Variants in GABRA5 observed in about 807,000 individuals in gnomAD.
GABRA5 encodes gamma-aminobutyric acid receptor subunit alpha-5.
Under a neutral mutation model 47.3 loss-of-function variants are expected in GABRA5, and 18 were observed. The ratio of observed to expected loss-of-function variants is 0.38; its 90% CI spans 0.26 to 0.56. The LOEUF is 0.56. Ranked by LOEUF, GABRA5 falls within the 20% of genes least tolerant of loss-of-function variation. The pLI is 0.71. For missense variants in GABRA5, 365 were observed against 599.3 expected (o/e 0.61, Z 4.08); for synonymous variants, 237 against 229.3 (o/e 1.03, Z -0.30).
chr15:26,888,284 C>T (rs144377221), intron 6 of GABRA5, among the ~76,000 whole-genome samples: 5 of 152,320 alleles, frequency 3.3e-5, no homozygotes, highest in African/African-American at 4.8e-5. Context: ...TCTCCTGTTG[C>T]GTCCTCAAGA....
At chr15:26,881,060 C>A in intron 4 of GABRA5, 93 bp downstream of exon 4, 1 of 1,379,862 alleles carries the variant, frequency 7.2e-7, no homozygotes. Context: ...CAAACAATTC[C>A]TAAAAGAGCT....
rs751506953 is a variant in GABRA5 at position 26,939,943 on chromosome 15, C to T, written c.743C>T (p.Thr248Ile). Residue 248 changes from threonine to isoleucine, a missense_variant, in exon 9 of 11, where the codon ACA (threonine) becomes ATA (isoleucine). Thr to Ile is a moderately conservative substitution (Grantham distance 89). This residue lies in a region of GABRA5 where 216 missense variants were observed against 335.3 expected (regional missense o/e 0.64). Coordinates refer to ENST00000335625, the MANE Select transcript of GABRA5 (RefSeq NM_000810.4). Reference sequence around the variant, plus strand: ...TTTGCAGGCGAATACACAATCATGACAGCTCACTTCCACCTGAAAAGGAAG... The same window carrying T: ...TTTGCAGGCGAATACACAATCATGATAGCTCACTTCCACCTGAAAAGGAAG... The part of the protein sequence containing the change: ...STSTGEYTIM[T>I]AHFHLKRKIG... The T allele has an allele frequency of 5.0e-6, 8 of 1,613,982 alleles. No homozygotes were observed. Among genetic ancestry groups the T allele is most frequent in the Non-Finnish European group, 6.8e-6 (8 of 1,179,896 alleles).
At chr15:26,873,725 T>C (rs1892525310) in intron 3 of GABRA5, among the ~76,000 whole-genome samples, 1 of 152,212 alleles carries the variant, frequency 6.6e-6, no homozygotes, top group South Asian at 2.1e-4. Context: ...AAATTCTTCC[T>C]GCACCATAGC....
intron 7 of GABRA5, among the ~76,000 whole-genome samples, chr15:26,932,183 A>G (rs1894124486): frequency 6.6e-6 from 1 of 152,218 alleles, no homozygotes; most frequent in Non-Finnish European, 1.5e-5. Context: ...TGAACAGACA[A>G]CCTACAGAAT....
chr15:26,932,165 C>T (rs1037019226), intron 7 of GABRA5, among the ~76,000 whole-genome samples: 35 of 152,170 alleles, frequency 2.3e-4, no homozygotes, highest in Middle Eastern at 3.2e-3. Flanking sequence ...AAGACACTAT[C>T]ATCAGTGTGA....
chr15:26,920,675 A>G (rs1243599990), intron 7 of GABRA5, among the ~76,000 whole-genome samples: 2 of 152,144 alleles, frequency 1.3e-5, no homozygotes, highest in Non-Finnish European at 2.9e-5. Flanking sequence ...GTGCACATTA[A>G]ATAAAACATT....
Position 26,868,812 on chromosome 15 carries a change from T to G in GABRA5, c.-75+19T>G. The G allele has an allele frequency of 6.4e-6, 1 of 156,704 alleles. No individual in the cohort carries two copies. Among genetic ancestry groups the G allele is most frequent in the Non-Finnish European group, 1.4e-5 (1 of 70,620 alleles). 9.7% of individuals were successfully genotyped at this position (156,704 alleles called of 1,614,324 possible). ...CAGAAAGGTAAAATTACTACACTTGTGGATTTGACGGATACAAAATACAGT... is the reference window on the plus strand; with the variant it reads ...CAGAAAGGTAAAATTACTACACTTGGGGATTTGACGGATACAAAATACAGT... On this transcript the variant is annotated intron_variant, in intron 2 of 10. Transcript: ENST00000335625.
chr15:26,894,592 C>A (rs1368069857), intron 6 of GABRA5, among the ~76,000 whole-genome samples: 2 of 152,208 alleles, frequency 1.3e-5, no homozygotes, highest in Non-Finnish European at 2.9e-5. Flanking sequence ...AGTTTCCCCT[C>A]AGTTTCCTTC....
At chr15:26,891,690 C>A (rs1023588772) in intron 6 of GABRA5, among the ~76,000 whole-genome samples, 1 of 152,156 alleles carries the variant, frequency 6.6e-6, no homozygotes, top group Admixed American at 6.5e-5. Flanking sequence ...GTCTGCGCGG[C>A]CTTGAGGTTG....
intron 8 of GABRA5, among the ~76,000 whole-genome samples, chr15:26,937,530 C>T (rs1463531037): frequency 6.6e-6 from 1 of 152,176 alleles, no homozygotes. Flanking sequence ...CAGCCTGCCC[C>T]TCCCTGCAGC....
chr15:26,935,490 G>A (rs1269643822), intron 7 of GABRA5, among the ~76,000 whole-genome samples: 2 of 152,178 alleles, frequency 1.3e-5, no homozygotes, highest in East Asian at 3.9e-4. Context: ...GGCTGGCCTC[G>A]GCCCCAGCCG....
At chr15:26,884,796 G>T (rs972311700) in intron 6 of GABRA5, among the ~76,000 whole-genome samples, 3 of 152,192 alleles carry the variant, frequency 2.0e-5, no homozygotes, top group Non-Finnish European at 4.4e-5. Context: ...GCCGCCTTTT[G>T]GAGGGGGTTT....
chr15:26,899,538 C>T (rs1330035404), intron 6 of GABRA5, among the ~76,000 whole-genome samples: 1 of 152,112 alleles, frequency 6.6e-6, no homozygotes, highest in East Asian at 1.9e-4. Context: ...TTCAGGTTTC[C>T]AACTGATATT....
intron 6 of GABRA5, among the ~76,000 whole-genome samples, chr15:26,885,159 C>T (rs1229471686): frequency 6.6e-6 from 1 of 151,984 alleles, no homozygotes; most frequent in Non-Finnish European, 1.5e-5. Context: ...ATTAGCCGGG[C>T]GTGGTGGCGG....
intron 6 of GABRA5, among the ~76,000 whole-genome samples, chr15:26,896,147 CT>C (rs1595407880): frequency 2.6e-5 from 4 of 152,330 alleles, no homozygotes; most frequent in Admixed American, 2.0e-4. Context: ...AATGTATTTT[CT>C]TCCTTTTTAA....
At chr15:26,881,072 C>T (rs1892718551) in intron 4 of GABRA5, 105 bp downstream of exon 4, 1 of 1,306,492 alleles carries the variant, frequency 7.7e-7, no homozygotes, top group Admixed American at 2.9e-5. Context: ...AAAAGAGCTT[C>T]CCTGCCAGGA....
intron 4 of GABRA5, among the ~76,000 whole-genome samples, chr15:26,881,638 G>C (rs1471122260): frequency 6.6e-6 from 1 of 152,210 alleles, no homozygotes; most frequent in East Asian, 1.9e-4. Context: ...GTTGGGTTAG[G>C]TGAGGTAGAC....
At chr15:26,905,830 G>C (rs372815404) in intron 6 of GABRA5, among the ~76,000 whole-genome samples, 102 of 150,444 alleles carry the variant, frequency 6.8e-4, no homozygotes, top group African/African-American at 2.2e-3. Context: ...GAATTTTTTT[G>C]GTTCTTTTTA....
chr15:26,938,980 A>G (rs1379339153), intron 8 of GABRA5, among the ~76,000 whole-genome samples: 1 of 152,162 alleles, frequency 6.6e-6, no homozygotes, highest in African/African-American at 2.4e-5. Flanking sequence ...GCAGCAGACC[A>G]CTACTCTGAC....
Sources: allele counts gnomAD v4.1 joint callset (sites outside exome capture counted in the v4.1 genomes callset), GRCh38; gene constraint gnomAD v4.1.1; regional missense constraint gnomAD v4.1.1; transcripts MANE v1.5; gene names NCBI Gene and HGNC (gene_info 2026-07-23, HGNC 2026-07-21).